Variants in TTC39B observed in about 807,000 individuals in gnomAD.
TTC39B encodes tetratricopeptide repeat protein 39B.
TTC39B carries 92 observed loss-of-function variants against 96.6 expected under a neutral mutation model. That is an observed-to-expected ratio of 0.95 (90% CI 0.80 to 1.13). TTC39B has a LOEUF of 1.13. Among genes scored for constraint, TTC39B ranks in the 50% most tolerant of loss-of-function variants. The pLI is 0.00. For missense variants in TTC39B, 955 were observed against 809.3 expected (o/e 1.18, Z -2.18); for synonymous variants, 367 against 299.4 (o/e 1.23, Z -2.33).
intron 2 of TTC39B, among the ~76,000 whole-genome samples, chr9:15,260,273 T>C (rs1158464955): frequency 1.5e-5 from 2 of 130,644 alleles, no homozygotes; most frequent in African/African-American, 8.3e-5. Flanking sequence ...AAATTCCTCA[T>C]TGTGTTTTTT....
At chr9:15,185,552 G>C in intron 15 of TTC39B, 146 bp from the exon 16 acceptor site, 1 of 1,308,540 alleles carries the variant, frequency 7.6e-7, no homozygotes, top group Middle Eastern at 2.4e-4. Context: ...CAATTTTCAG[G>C]CCCTACTCTA....
chr9:15,177,188 C>T (rs2118518442), intron 18 of TTC39B, among the ~76,000 whole-genome samples: 1 of 152,094 alleles, frequency 6.6e-6, no homozygotes, highest in Non-Finnish European at 1.5e-5. Context: ...GTATCAGAAG[C>T]CAGGCATAGT....
Position 15,245,954 on chromosome 9 carries a change from T to C in TTC39B, c.276-19942A>G, listed in dbSNP as rs1822253787. Among the ~76,000 whole-genome samples the C allele has an allele frequency of 1.3e-5, 2 of 152,204 alleles. 1 individual carries two copies. Among genetic ancestry groups the C allele is most frequent in the South Asian group, 4.1e-4 (2 of 4,832 alleles). On this transcript the variant is annotated intron_variant, in intron 2 of 19. Transcript: ENST00000512701. ...AGAATGGCACTGTTAAGTCATTTCTTACCCAAATAAATCACCAGGCCGGGC... is the reference window on the plus strand; with the variant it reads ...AGAATGGCACTGTTAAGTCATTTCTCACCCAAATAAATCACCAGGCCGGGC...
At chr9:15,227,701 C>G (rs966124516) in intron 2 of TTC39B, among the ~76,000 whole-genome samples, 1 of 152,160 alleles carries the variant, frequency 6.6e-6, no homozygotes, top group Non-Finnish European at 1.5e-5. Context: ...GGCTATCTAC[C>G]CATTTGGACC....
intron 7 of TTC39B, among the ~76,000 whole-genome samples, chr9:15,202,871 T>C (rs965018896): frequency 1.3e-5 from 2 of 152,148 alleles, no homozygotes; most frequent in African/African-American, 4.8e-5. Flanking sequence ...TATGTGAAAG[T>C]TTATGTTTTA....
At chr9:15,179,265 T>C (rs1341239552) in intron 17 of TTC39B, among the ~76,000 whole-genome samples, 1 of 152,170 alleles carries the variant, frequency 6.6e-6, no homozygotes, top group Admixed American at 6.5e-5. Context: ...GCTGTGACAG[T>C]AGAGAGGACG....
chr9:15,223,999 G>A (rs1465231954), intron 3 of TTC39B, among the ~76,000 whole-genome samples: 4 of 151,930 alleles, frequency 2.6e-5, no homozygotes, highest in Admixed American at 1.3e-4. Flanking sequence ...ACTCCTTCCC[G>A]ACTCAGAAAT....
intron 14 of TTC39B, 151 bp downstream of exon 14, chr9:15,187,820 G>A (rs1371758505): frequency 1.3e-6 from 1 of 741,322 alleles, no homozygotes; most frequent in Admixed American, 3.4e-5. Flanking sequence ...CCTATAAATA[G>A]TGGGTACTTA....
intron 2 of TTC39B, among the ~76,000 whole-genome samples, chr9:15,263,178 C>T (rs1298400587): frequency 6.6e-6 from 1 of 152,180 alleles, no homozygotes; most frequent in Admixed American, 6.5e-5. Flanking sequence ...TACAGCAAAT[C>T]TCTTCATATA....
At chr9:15,229,231 T>C (rs1586919371) in intron 2 of TTC39B, among the ~76,000 whole-genome samples, 1 of 152,252 alleles carries the variant, frequency 6.6e-6, no homozygotes, top group East Asian at 1.9e-4. Flanking sequence ...CATTTAATTC[T>C]TTCCTGCATG....
intron 4 of TTC39B, among the ~76,000 whole-genome samples, chr9:15,213,408 C>G (rs572700932): frequency 4.6e-5 from 7 of 152,320 alleles, no homozygotes; most frequent in Non-Finnish European, 8.8e-5. Context: ...TATTCTAAAT[C>G]TTAACACAAT....
At chr9:15,218,635 A>AAAATATATATATATAT (rs374054306) in intron 3 of TTC39B, among the ~76,000 whole-genome samples, 13,082 of 149,278 alleles carry the variant, frequency 0.088, 656 homozygotes, top group Middle Eastern at 0.15. Context: ...GTCTATTTTA[A>AAAATATATATATATAT]ATATATATAT....
At chr9:15,305,171 T>G (rs982825242) in intron 1 of TTC39B, among the ~76,000 whole-genome samples, 1 of 152,188 alleles carries the variant, frequency 6.6e-6, no homozygotes, top group Non-Finnish European at 1.5e-5. Context: ...TACAAATAAA[T>G]CAAGGGTATC....
chr9:15,262,267 T>A lies in TTC39B; in HGVS notation c.275+5647A>T, dbSNP rs201802445. Among the ~76,000 whole-genome samples, 34 of 152,194 alleles carry A rather than the reference T, an allele frequency of 2.2e-4. No homozygotes were observed. The East Asian group carries it at 5.8e-3, about 26-fold the overall frequency. ...GCATGCGCCACAAAGCCCAGCTAAT[T>A]TTTGTATTTTTAGTACAGATGGGGT... On this transcript the variant is annotated intron_variant, in intron 2 of 19. Transcript: ENST00000512701.
chr9:15,278,158 G>A (rs1823618519), intron 1 of TTC39B, among the ~76,000 whole-genome samples: 1 of 152,108 alleles, frequency 6.6e-6, no homozygotes, highest in South Asian at 2.1e-4. Context: ...ATAGAGTTGA[G>A]CTGCAGCTTA....
At chr9:15,272,598 T>C (rs1300939375) in intron 1 of TTC39B, among the ~76,000 whole-genome samples, 1 of 152,240 alleles carries the variant, frequency 6.6e-6, no homozygotes, top group Admixed American at 6.5e-5. Flanking sequence ...ACAGATGTTT[T>C]CATTGAACCA....
In TTC39B at chr9:15,180,177, C is replaced by T. The variant is rs924793754; in HGVS notation, c.1723+2130G>A. Among the ~76,000 whole-genome samples, 3 of 152,132 alleles carry T rather than the reference C, an allele frequency of 2.0e-5. No homozygotes were observed. The East Asian group carries it at 5.8e-4, about 29-fold the overall frequency. On this transcript the variant is annotated intron_variant, in intron 17 of 19. Transcript: ENST00000512701. The stretch of plus-strand genomic sequence containing the variant: ...GAAACAGGGAAGTTTGAAGCCCAAA[C>T]TACAAAAAGTATCTATGCTGAAATT...
At chr9:15,177,613 TA>T in intron 18 of TTC39B, 83 bp downstream of exon 18, 1 of 887,488 alleles carries the variant, frequency 1.1e-6, no homozygotes, top group Non-Finnish European at 1.8e-6. Context: ...CAGTAAGAGA[TA>T]AAAGCATTTT....
rs1818255663 is a variant in TTC39B, at chr9:15,181,641, A to G, written c.1723+666T>C. ...AATGTAATGGGTAGAATAAATCGTG[A>G]TAACATTTCACCTTGAAAACTATTC... On this transcript the variant is annotated intron_variant, in intron 17 of 19. Transcript: ENST00000512701. 3.9e-5 allele frequency among the ~76,000 whole-genome samples: 6 copies of G among 152,346 alleles called. 1 individual carries two copies. The South Asian group carries it at 1.2e-3, about 32-fold the overall frequency.
Sources: gnomAD v4.1 joint callset for allele counts (sites outside exome capture counted in the v4.1 genomes callset) on GRCh38, gnomAD v4.1.1 for gene constraint, MANE v1.5 for transcripts, NCBI Gene and HGNC (gene_info 2026-07-23, HGNC 2026-07-21) for gene names.